The following NEK7 variants were observed in gnomAD, a reference collection of about 807,000 sequenced individuals.
NEK7 encodes the protein NIMA related kinase 7.
NEK7 carries 18 observed loss-of-function variants against 44.6 expected under a neutral mutation model. That is an observed-to-expected ratio of 0.40 (90% confidence interval 0.28 to 0.60). The LOEUF (loss-of-function observed/expected upper bound fraction) is 0.60, where lower values mean the gene tolerates loss of function less well. Among genes scored for constraint, NEK7 ranks in the 20% least tolerant of loss-of-function variants. NEK7 has a pLI of 0.38. For missense variants in NEK7, 256 were observed against 366.5 expected (o/e 0.70, Z 2.46); for synonymous variants, 130 against 121.1 (o/e 1.07, Z -0.48).
intron 5 of NEK7, among the ~76,000 whole-genome samples, chr1:198,265,175 G>GTCACT (rs1010128446): frequency 6.6e-6 from 1 of 151,966 alleles, no homozygotes; most frequent in Non-Finnish European, 1.5e-5. Flanking sequence ...AGTGCTGCCT[G>GTCACT]TCACACAACA....
At chr1:198,239,153 C>G (rs1666617298) in intron 2 of NEK7, among the ~76,000 whole-genome samples, 1 of 152,172 alleles carries the variant, frequency 6.6e-6, no homozygotes, top group African/African-American at 2.4e-5. Context: ...AGTTCATTCT[C>G]TACATTGCAG....
chr1:198,229,875 CT>C (rs1375052714), intron 1 of NEK7, among the ~76,000 whole-genome samples: 1 of 151,878 alleles, frequency 6.6e-6, no homozygotes, highest in African/African-American at 2.4e-5. Flanking sequence ...TTTTATGTTT[CT>C]TTTTTCATTG....
intron 2 of NEK7, among the ~76,000 whole-genome samples, chr1:198,249,916 G>C (rs1283244138): frequency 6.8e-6 from 1 of 147,214 alleles, no homozygotes; most frequent in Non-Finnish European, 1.5e-5. Context: ...GGCTTTTGTT[G>C]CCATTGCTTT....
At chr1:198,212,797 C>T (rs530727090) in intron 1 of NEK7, among the ~76,000 whole-genome samples, 72 of 152,362 alleles carry the variant, frequency 4.7e-4, no homozygotes, top group African/African-American at 1.7e-3. Flanking sequence ...TGCCACCTCC[C>T]GGCTGGAGGC....
chr1:198,317,877 A>ATTTTTTTTTTTTTT (rs34704209), intron 9 of NEK7, among the ~76,000 whole-genome samples: 9 of 70,240 alleles, frequency 1.3e-4, no homozygotes, highest in African/African-American at 2.5e-4. Context: ...GGATATATTT[A>ATTTTTTTTTTTTTT]TTTTTTTTTT....
At chr1:198,224,744 A>G (rs1019392494) in intron 1 of NEK7, among the ~76,000 whole-genome samples, 9 of 152,198 alleles carry the variant, frequency 5.9e-5, no homozygotes, top group African/African-American at 1.9e-4. Flanking sequence ...ATGGAGATGG[A>G]GAATATATGT....
At chr1:198,308,566 T>G (rs1382174519) in intron 9 of NEK7, among the ~76,000 whole-genome samples, 1 of 152,260 alleles carries the variant, frequency 6.6e-6, no homozygotes, top group Non-Finnish European at 1.5e-5. Flanking sequence ...TAATTGAGCA[T>G]TCTGCTGGCA....
intron 2 of NEK7, among the ~76,000 whole-genome samples, chr1:198,251,796 A>T (rs922625313): frequency 3.9e-5 from 6 of 151,996 alleles, no homozygotes; most frequent in Admixed American, 3.9e-4. Context: ...CTAGCAGTCT[A>T]TCAATTTTGT....
At chr1:198,277,871 C>A in intron 5 of NEK7, 90 bp from the exon 6 acceptor site, 2 of 680,360 alleles carry the variant, frequency 2.9e-6, no homozygotes, top group Non-Finnish European at 2.6e-6. Context: ...ATAAAATTAG[C>A]TGTTTTTCTG....
At chr1:198,294,151 T>C (rs1274643359) in intron 8 of NEK7, among the ~76,000 whole-genome samples, 1 of 151,976 alleles carries the variant, frequency 6.6e-6, no homozygotes, top group Admixed American at 6.6e-5. Flanking sequence ...TTGTCCTTCC[T>C]ACTAAAGTGA....
chr1:198,270,579 T>C (rs569327111), intron 5 of NEK7, among the ~76,000 whole-genome samples: 1 of 152,232 alleles, frequency 6.6e-6, no homozygotes, highest in South Asian at 2.1e-4. Context: ...CATCATTTCT[T>C]ATTTCTAGGA....
chr1:198,281,245 A>G (rs1057183483), intron 7 of NEK7, among the ~76,000 whole-genome samples: 2 of 152,080 alleles, frequency 1.3e-5, no homozygotes, highest in African/African-American at 2.4e-5. Flanking sequence ...TTGGAAAAGT[A>G]TTACTCTGCT....
intron 2 of NEK7, among the ~76,000 whole-genome samples, chr1:198,238,961 TCTTATA>T (rs1666611623): frequency 6.6e-6 from 1 of 152,054 alleles, no homozygotes; most frequent in Non-Finnish European, 1.5e-5. Flanking sequence ...AACAAGGGAG[TCTTATA>T]CTCATGTTTA....
chr1:198,169,952 G>T (rs1194494659), intron 1 of NEK7, among the ~76,000 whole-genome samples: 1 of 151,814 alleles, frequency 6.6e-6, no homozygotes, highest in African/African-American at 2.4e-5. Flanking sequence ...CTGCTTCCCA[G>T]AGACTACACT....
At chr1:198,309,989 T>C (rs1271610834) in intron 9 of NEK7, among the ~76,000 whole-genome samples, 1 of 151,776 alleles carries the variant, frequency 6.6e-6, no homozygotes, top group African/African-American at 2.4e-5. Context: ...AAATGGTATT[T>C]CTAGTTCTAG....
chr1:198,262,587 A>T lies in NEK7; in HGVS notation c.211A>T (p.Met71Leu). The T allele has an allele frequency of 6.3e-7, 1 of 1,590,788 alleles. No individual in the cohort carries two copies. Among genetic ancestry groups the T allele is most frequent in the Non-Finnish European group, 8.6e-7 (1 of 1,164,424 alleles). Reference sequence around the variant, plus strand: ...GTTCTGTTTTTAGATATTTGATTTAATGGATGCCAAAGCACGTGCTGATTG... The same window carrying T: ...GTTCTGTTTTTAGATATTTGATTTATTGGATGCCAAAGCACGTGCTGATTG... ...ALKKVQIFDLMDAKARADCIK... is the reference protein window; with the variant it reads ...ALKKVQIFDLLDAKARADCIK... The change falls in exon 4 of 10, where the codon ATG (methionine) becomes TTG (leucine). Residue 71 changes from methionine to leucine, a missense_variant. Met to Leu is a conservative substitution (Grantham distance 15). Coordinates refer to ENST00000367385, the MANE Select transcript of NEK7 (RefSeq NM_133494.3).
At chr1:198,292,296 TTGAG>T (rs1654583640) in intron 7 of NEK7, among the ~76,000 whole-genome samples, 1 of 152,100 alleles carries the variant, frequency 6.6e-6, no homozygotes, top group African/African-American at 2.4e-5. Context: ...AAAAATTATC[TTGAG>T]TGTCTTGTCT....
intron 1 of NEK7, among the ~76,000 whole-genome samples, chr1:198,165,042 G>A (rs6679874): frequency 1 from 152,038 of 152,362 alleles, 75,858 homozygotes; most frequent in Middle Eastern, 1. Context: ...TATAAAAAGC[G>A]ACTCCTCATC....
chr1:198,238,372 C>T (rs1162538823), intron 2 of NEK7, among the ~76,000 whole-genome samples: 4 of 152,108 alleles, frequency 2.6e-5, no homozygotes, highest in Admixed American at 2.6e-4. Flanking sequence ...GGTGAGGAAC[C>T]ACAGCTTTGA....
Sources: allele counts gnomAD v4.1 joint callset (sites outside exome capture counted in the v4.1 genomes callset), GRCh38; gene constraint gnomAD v4.1.1; transcripts MANE v1.5; gene names NCBI Gene and HGNC (gene_info 2026-07-23, HGNC 2026-07-21).